GRID2: variants seen among roughly 807,000 people sequenced by gnomAD.
The protein encoded by GRID2 is glutamate receptor ionotropic, delta-2.
In GRID2, 33 loss-of-function variants were observed where a neutral mutation model predicts 114.8. The observed-to-expected ratio is 0.29, with a 90% CI of 0.22 to 0.38. The LOEUF is 0.38. Ranked by LOEUF, GRID2 falls within the 10% of genes least tolerant of loss-of-function variation. GRID2 has a pLI of 1.00. For missense variants in GRID2, 1,184 were observed against 1,257.7 expected (o/e 0.94, Z 0.89); for synonymous variants, 505 against 449.9 (o/e 1.12, Z -1.55).
chr4:92,362,718 T>A (rs1478176414), intron 1 of GRID2, among the ~76,000 whole-genome samples: 2 of 152,022 alleles, frequency 1.3e-5, no homozygotes, highest in African/African-American at 4.8e-5. Flanking sequence ...CCTAAGAAGT[T>A]TTAAATCAAA....
intron 14 of GRID2, among the ~76,000 whole-genome samples, chr4:93,691,755 A>G (rs1726583117): frequency 6.6e-6 from 1 of 152,106 alleles, no homozygotes; most frequent in Non-Finnish European, 1.5e-5. Flanking sequence ...TTCTATAGCT[A>G]TGCTCACATA....
intron 1 of GRID2, among the ~76,000 whole-genome samples, chr4:92,470,684 A>G (rs1409667171): frequency 1.3e-5 from 2 of 152,034 alleles, no homozygotes. Context: ...CTAAGCAAGA[A>G]CTGACTGCAA....
At chr4:93,381,944 C>A (rs76463773) in intron 8 of GRID2, among the ~76,000 whole-genome samples, 7,366 of 152,122 alleles carry the variant, frequency 0.048, 208 homozygotes, top group Middle Eastern at 0.17. Flanking sequence ...CTAGTGTTAA[C>A]AAACTCCTCT....
At chr4:93,137,966 G>GTCTTTTTTTT (rs1553994590) in intron 4 of GRID2, among the ~76,000 whole-genome samples, 1 of 78,380 alleles carries the variant, frequency 1.3e-5, no homozygotes, top group Non-Finnish European at 2.4e-5. Flanking sequence ...TTTTTTCTTC[G>GTCTTTTTTTT]TTTTTTTTTT....
intron 2 of GRID2, among the ~76,000 whole-genome samples, chr4:92,897,634 G>A (rs1274218949): frequency 6.6e-6 from 1 of 152,130 alleles, no homozygotes; most frequent in Non-Finnish European, 1.5e-5. Context: ...ACTTGGAGTA[G>A]GGGGTCTTCC....
intron 2 of GRID2, among the ~76,000 whole-genome samples, chr4:92,900,714 G>A (rs1368868455): frequency 6.6e-6 from 1 of 151,782 alleles, no homozygotes; most frequent in African/African-American, 2.4e-5. Flanking sequence ...TGTGCCTGTA[G>A]TCCCAGCTAC....
At chr4:92,629,951 TAAC>T (rs1015196955) in intron 2 of GRID2, among the ~76,000 whole-genome samples, 27 of 148,688 alleles carry the variant, frequency 1.8e-4, no homozygotes, top group African/African-American at 4.4e-4. Flanking sequence ...TATTATTATA[TAAC>T]AACATTTATA....
At chr4:92,775,528 A>G (rs1738750917) in intron 2 of GRID2, among the ~76,000 whole-genome samples, 1 of 152,172 alleles carries the variant, frequency 6.6e-6, no homozygotes, top group African/African-American at 2.4e-5. Flanking sequence ...ATTTCAGAGT[A>G]TGCTAAAAAT....
At chr4:93,554,344 CT>C (rs1055063205) in intron 13 of GRID2, among the ~76,000 whole-genome samples, 1 of 152,096 alleles carries the variant, frequency 6.6e-6, no homozygotes, top group African/African-American at 2.4e-5. Context: ...GGATTTAACC[CT>C]CTTGATACTA....
intron 14 of GRID2, among the ~76,000 whole-genome samples, chr4:93,645,661 A>G (rs1257012674): frequency 6.6e-6 from 1 of 152,082 alleles, no homozygotes; most frequent in Non-Finnish European, 1.5e-5. Flanking sequence ...TCTCCAGACT[A>G]TTCACATCTA....
intron 15 of GRID2, among the ~76,000 whole-genome samples, chr4:93,770,506 T>C (rs1734021271): frequency 6.6e-6 from 1 of 152,214 alleles, no homozygotes; most frequent in Admixed American, 6.5e-5. Context: ...CTTATCACCT[T>C]ATATGCAAAA....
chr4:93,219,513 T>C (rs995754781), intron 6 of GRID2, among the ~76,000 whole-genome samples: 1 of 152,150 alleles, frequency 6.6e-6, no homozygotes, highest in Non-Finnish European at 1.5e-5. Flanking sequence ...TTGTTACATG[T>C]GAACATCCCT....
intron 1 of GRID2, among the ~76,000 whole-genome samples, chr4:92,478,878 A>G (rs1426104070): frequency 1.3e-5 from 2 of 152,132 alleles, no homozygotes; most frequent in Non-Finnish European, 2.9e-5. Flanking sequence ...AATTCTGGCT[A>G]GGAACACTCA....
intron 2 of GRID2, among the ~76,000 whole-genome samples, chr4:92,913,942 A>G (rs1748584389): frequency 6.6e-6 from 1 of 152,074 alleles, no homozygotes; most frequent in South Asian, 2.1e-4. Flanking sequence ...TTATTTTAAA[A>G]ATTATAATTA....
intron 14 of GRID2, among the ~76,000 whole-genome samples, chr4:93,682,763 A>T (rs1003582579): frequency 7.8e-6 from 1 of 128,850 alleles, no homozygotes; most frequent in Admixed American, 8.5e-5. Context: ...GGGGAACATC[A>T]CACTCTGGGG....
chr4:93,325,533 A>G lies in GRID2; in HGVS notation c.1246-70074A>G, dbSNP rs888758891. 2.0e-5 allele frequency among the ~76,000 whole-genome samples: 3 copies of G among 151,888 alleles called. No individual in the cohort carries two copies. The East Asian group carries it at 5.8e-4, about 29-fold the overall frequency. On this transcript the variant is annotated intron_variant, in intron 8 of 15. Coordinates refer to ENST00000282020, the MANE Select transcript of GRID2 (RefSeq NM_001510.4). ...TCTAGGTAATTTCTTAAATTTTACAATATAGATTATTAATTTTCTATTTTG... is the reference window on the plus strand; with the variant it reads ...TCTAGGTAATTTCTTAAATTTTACAGTATAGATTATTAATTTTCTATTTTG...
chr4:92,948,729 G>C (rs1022186229), intron 2 of GRID2, among the ~76,000 whole-genome samples: 7 of 151,918 alleles, frequency 4.6e-5, no homozygotes, highest in Non-Finnish European at 1.0e-4. Context: ...CTGTTTGACA[G>C]TTTACCATAC....
At chr4:92,306,386 T>C (rs1033984621) in intron 1 of GRID2, among the ~76,000 whole-genome samples, 1 of 152,226 alleles carries the variant, frequency 6.6e-6, no homozygotes. Context: ...CAAGAAATTA[T>C]GGTCTCATTG....
At chr4:92,434,898 G>T (rs1008519052) in intron 1 of GRID2, among the ~76,000 whole-genome samples, 7 of 152,000 alleles carry the variant, frequency 4.6e-5, no homozygotes, top group Non-Finnish European at 1.5e-5. Flanking sequence ...TAGAAAATTC[G>T]AATATTTAAA....
Sources: gnomAD v4.1 joint callset for allele counts (sites outside exome capture counted in the v4.1 genomes callset) on GRCh38, gnomAD v4.1.1 for gene constraint, MANE v1.5 for transcripts, NCBI Gene and HGNC (gene_info 2026-07-23, HGNC 2026-07-21) for gene names.